Variants in AGBL4 observed in about 807,000 individuals in gnomAD.
The protein encoded by AGBL4 is AGBL carboxypeptidase 4.
A neutral mutation model predicts 66.4 loss-of-function variants in AGBL4; 58 were observed. The ratio of observed to expected loss-of-function variants is 0.87; its 90% CI spans 0.71 to 1.09. The LOEUF is 1.09. Ranked by LOEUF, AGBL4 falls within the 50% of genes least tolerant of loss-of-function variation. AGBL4 has a pLI of 0.00. For missense variants in AGBL4, 579 were observed against 631.0 expected (o/e 0.92, Z 0.88); for synonymous variants, 234 against 222.9 (o/e 1.05, Z -0.44).
intron 6 of AGBL4, among the ~76,000 whole-genome samples, chr1:48,797,024 T>C (rs17104882): frequency 0.011 from 1,653 of 152,288 alleles, 27 homozygotes; most frequent in African/African-American, 0.037. Context: ...AATATAATTA[T>C]TGAGTCTTGA....
At chr1:49,695,120 G>A (rs1443197594) in intron 3 of AGBL4, among the ~76,000 whole-genome samples, 1 of 152,012 alleles carries the variant, frequency 6.6e-6, no homozygotes. Flanking sequence ...GCAAGCTGAG[G>A]GATGTGCTAT....
At chr1:49,146,573 T>C (rs1646222321) in intron 4 of AGBL4, among the ~76,000 whole-genome samples, 1 of 152,122 alleles carries the variant, frequency 6.6e-6, no homozygotes. Flanking sequence ...AGAGAAAAAC[T>C]CTTCTTCCCC....
intron 6 of AGBL4, among the ~76,000 whole-genome samples, chr1:48,824,394 A>G (rs1230471277): frequency 6.6e-6 from 1 of 152,228 alleles, no homozygotes; most frequent in Non-Finnish European, 1.5e-5. Context: ...GCACAGGAAT[A>G]GATAGGTTAG....
At chr1:48,848,520 AG>A (rs1646967270) in intron 6 of AGBL4, among the ~76,000 whole-genome samples, 1 of 152,252 alleles carries the variant, frequency 6.6e-6, no homozygotes, top group African/African-American at 2.4e-5. Flanking sequence ...TTATAGGTAC[AG>A]GGGAAAAATA....
chr1:48,883,703 G>A (rs1650010290), intron 5 of AGBL4, among the ~76,000 whole-genome samples: 1 of 152,184 alleles, frequency 6.6e-6, no homozygotes, highest in Non-Finnish European at 1.5e-5. Context: ...GAATCATAGT[G>A]CACAGCACAG....
intron 4 of AGBL4, among the ~76,000 whole-genome samples, chr1:49,229,205 T>C (rs1650123996): frequency 6.6e-6 from 1 of 152,222 alleles, no homozygotes; most frequent in Non-Finnish European, 1.5e-5. Flanking sequence ...TTTCTTTCCC[T>C]GGCATCCTGT....
At chr1:49,894,857 A>C (rs1649028825) in intron 1 of AGBL4, among the ~76,000 whole-genome samples, 1 of 152,154 alleles carries the variant, frequency 6.6e-6, no homozygotes, top group African/African-American at 2.4e-5. Context: ...AAATTTTTTC[A>C]AAGTAATAAT....
At chr1:48,858,101 G>GA (rs1331628988) in intron 6 of AGBL4, among the ~76,000 whole-genome samples, 3 of 151,966 alleles carry the variant, frequency 2.0e-5, no homozygotes, top group Non-Finnish European at 2.9e-5. Context: ...TTAGACATCA[G>GA]AAAAAATGCA....
chr1:50,020,483 T>C (rs946181417), intron 1 of AGBL4, among the ~76,000 whole-genome samples: 5 of 152,192 alleles, frequency 3.3e-5, no homozygotes, highest in Middle Eastern at 3.4e-3. Context: ...GTCACAAAAG[T>C]AGGGTTTACA....
intron 3 of AGBL4, among the ~76,000 whole-genome samples, chr1:49,251,264 G>A (rs552578478): frequency 3.9e-5 from 6 of 152,196 alleles, no homozygotes; most frequent in South Asian, 4.1e-4. Context: ...GCTTCCCCTC[G>A]GCCCAAGGCA....
chr1:48,733,705 G>A (rs1479642270), intron 6 of AGBL4, among the ~76,000 whole-genome samples: 2 of 152,198 alleles, frequency 1.3e-5, no homozygotes, highest in East Asian at 3.9e-4. Context: ...TACGAGGTAA[G>A]ATGATTTCAG....
intron 2 of AGBL4, among the ~76,000 whole-genome samples, chr1:49,745,022 A>T (rs1192806326): frequency 6.6e-6 from 1 of 152,104 alleles, no homozygotes; most frequent in Admixed American, 6.6e-5. Context: ...GATATACAGA[A>T]CACAAATAAT....
rs571051020 is a variant in AGBL4, at chr1:49,676,791, G to C, written c.282+20522C>G. Among the ~76,000 whole-genome samples the C allele has an allele frequency of 6.6e-5, 10 of 152,096 alleles. 1 individual carries two copies. In the South Asian group the frequency reaches 2.1e-3, roughly 32 times the overall value. ...TATTAGTCACATTTTGTACATAGAG[G>C]GGCGATATAAATGTAATAAAGCTGA... On this transcript the variant is annotated intron_variant, in intron 3 of 13. Transcript: ENST00000371839.
chr1:49,607,054 G>T (rs1052341944), intron 3 of AGBL4, among the ~76,000 whole-genome samples: 7 of 152,002 alleles, frequency 4.6e-5, no homozygotes, highest in Non-Finnish European at 1.0e-4. Flanking sequence ...CAGTTCAAAT[G>T]ATATTTTCTT....
At chr1:49,215,901 C>T (rs1649050330) in intron 4 of AGBL4, among the ~76,000 whole-genome samples, 1 of 152,064 alleles carries the variant, frequency 6.6e-6, no homozygotes, top group Non-Finnish European at 1.5e-5. Context: ...ATATTATTAT[C>T]CCTCATTTAT....
At chr1:49,096,621 T>C (rs1429356783) in intron 4 of AGBL4, among the ~76,000 whole-genome samples, 3 of 138,528 alleles carry the variant, frequency 2.2e-5, no homozygotes, top group African/African-American at 8.2e-5. Context: ...CTCTCACTCA[T>C]AGGTGGGAAC....
intron 3 of AGBL4, among the ~76,000 whole-genome samples, chr1:49,476,818 C>T (rs1347673774): frequency 6.6e-6 from 1 of 151,972 alleles, no homozygotes; most frequent in Non-Finnish European, 1.5e-5. Context: ...TGCCCTGGGC[C>T]TGAGGGTTGC....
At chr1:50,001,282 T>G (rs1330147637) in intron 1 of AGBL4, among the ~76,000 whole-genome samples, 1 of 150,870 alleles carries the variant, frequency 6.6e-6, no homozygotes, top group East Asian at 1.9e-4. Flanking sequence ...TATTTAGGAG[T>G]AAGTAGACTA....
chr1:49,280,998 C>T (rs1340935004), intron 3 of AGBL4, among the ~76,000 whole-genome samples: 2 of 152,106 alleles, frequency 1.3e-5, no homozygotes, highest in African/African-American at 2.4e-5. Context: ...GTTATTATTA[C>T]CGTATATATA....
Sources: allele counts gnomAD v4.1 joint callset (sites outside exome capture counted in the v4.1 genomes callset), GRCh38; gene constraint gnomAD v4.1.1; transcripts MANE v1.5; gene names NCBI Gene and HGNC (gene_info 2026-07-23, HGNC 2026-07-21).